Variants in SLC25A33 observed in about 807,000 individuals in gnomAD.
SLC25A33 encodes bone marrow stromal cell mitochondrial carrier protein.
In SLC25A33, 15 loss-of-function variants were observed where a neutral mutation model predicts 35.5. That is an observed-to-expected ratio of 0.42 (90% CI 0.28 to 0.65). The LOEUF (loss-of-function observed/expected upper bound fraction) is 0.65. SLC25A33 is among the 30% of genes least tolerant of loss of function. The pLI is 0.20. For synonymous variants in SLC25A33, 136 were observed against 148.7 expected, an observed-to-expected ratio of 0.91 and a Z score of 0.62; for missense variants, 257 against 398.5, an observed-to-expected ratio of 0.64 and a Z score of 3.02.
chr1:9,570,940 T>G (rs973961508), intron 4 of SLC25A33, among the ~76,000 whole-genome samples: 3 of 152,112 alleles, frequency 2.0e-5, no homozygotes, highest in Admixed American at 6.6e-5. Flanking sequence ...CTCAAACTCC[T>G]GACCTCAAGT....
intron 1 of SLC25A33, among the ~76,000 whole-genome samples, chr1:9,552,987 C>T (rs28719694): frequency 0.15 from 21,426 of 144,616 alleles, 1,732 homozygotes; most frequent in East Asian, 0.28. Flanking sequence ...GCAAGATCTC[C>T]GCTCACTGCA....
rs1553146726 is a variant in SLC25A33, at chr1:9,564,725, T to TAAAAAAAAAAA, written c.237-2554_237-2544dup. On this transcript the variant is annotated intron_variant, in intron 2 of 6. Transcript: ENST00000302692. Reference sequence around the variant, plus strand: ...AACATGGTGACACCTCGTCTCTATTTAAAAAAAAAAAAAAATATATATATA... The same window carrying TAAAAAAAAAAA: ...AACATGGTGACACCTCGTCTCTATTTAAAAAAAAAAAAAAAAAAAAAAAAAATATATATATA... Among the ~76,000 whole-genome samples the TAAAAAAAAAAA allele has an allele frequency of 1.1e-3, 106 of 94,462 alleles. 2 individuals are homozygous for TAAAAAAAAAAA. The highest frequency in any genetic ancestry group is 5.2e-3 in the African/African-American group (104 of 19,974). 62.0% of individuals were successfully genotyped at this position (94,462 alleles called of 152,430 possible).
rs1463744012 is a variant in SLC25A33 at position 9,582,474 on chromosome 1, G to A, written c.939G>A (p.Val313=). The A allele has an allele frequency of 6.2e-7, 1 of 1,613,600 alleles. No homozygotes were observed. Among genetic ancestry groups the A allele is most frequent in the Admixed American group, 1.7e-5 (1 of 59,946 alleles). The change falls in exon 7 of 7, where the codon GTG becomes GTA. Residue 313 remains valine, a synonymous_variant. Coordinates refer to ENST00000302692, the MANE Select transcript of SLC25A33 (RefSeq NM_032315.3). This position sits in a 1 kb window ranked among gnomAD's most constrained non-coding sequence, Gnocchi z 4.0. ...AIVLSTYELI[V]YLLEDRTQ is the part of the protein sequence containing the mutation. ...TGTTGTCTACTTATGAGTTAATTGT[G>A]TACCTGTTAGAAGACCGTACTCAGT...
rs911637564 is a variant in SLC25A33, at chr1:9,578,760, T to A, written c.483-1194T>A. On this transcript the variant is annotated intron_variant, in intron 5 of 6. Coordinates refer to ENST00000302692, the MANE Select transcript of SLC25A33 (RefSeq NM_032315.3). This position sits in a 1 kb window ranked among gnomAD's most constrained non-coding sequence, Gnocchi z 4.3. ...TGCTGGGATTACAGGTGTGAGCCAC[T>A]GCTCCCAGCCCTTGTGATCATCCTT... Among the ~76,000 whole-genome samples the A allele has an allele frequency of 1.8e-4, 27 of 152,178 alleles. No homozygotes were observed. Among genetic ancestry groups the A allele is most frequent in the African/African-American group, 5.8e-4 (24 of 41,436 alleles).
rs534241662 is a variant in SLC25A33 at position 9,579,965 on chromosome 1, C to G, written c.494C>G (p.Ser165Cys). 6.2e-7 allele frequency: 1 copy of G among 1,613,370 alleles called. No homozygotes were observed. The highest frequency in any genetic ancestry group is 8.5e-7 in the Non-Finnish European group (1 of 1,179,664). ...TCTCTTTTATGCAGAGTGAGGGGCT[C>G]TAAGCAGATGAATACACTCCAGTGT... Reference protein sequence around the residue: ...RMQLEQKVRGSKQMNTLQCAR... With the variant: ...RMQLEQKVRGCKQMNTLQCAR... Residue 165 changes from serine to cysteine, a missense_variant, in exon 6 of 7, where the codon TCT (serine) becomes TGT (cysteine). Ser to Cys is a moderately radical substitution (Grantham distance 112). Coordinates refer to ENST00000302692, the MANE Select transcript of SLC25A33 (RefSeq NM_032315.3).
At chr1:9,573,321 C>G in intron 4 of SLC25A33, 25 bp from the exon 5 acceptor site, 2 of 1,517,758 alleles carry the variant, frequency 1.3e-6, no homozygotes, top group Non-Finnish European at 1.8e-6. Flanking sequence ...ACAGTGTTGA[C>G]CTTTACTGTT....
chr1:9,550,787 G>A (rs927896649), intron 1 of SLC25A33, among the ~76,000 whole-genome samples: 5 of 151,696 alleles, frequency 3.3e-5, no homozygotes, highest in Admixed American at 2.0e-4. Flanking sequence ...ATCCTCCCAC[G>A]TCAGCCTCTC....
intron 2 of SLC25A33, among the ~76,000 whole-genome samples, chr1:9,558,997 C>T (rs1643382400): frequency 6.6e-6 from 1 of 152,154 alleles, no homozygotes; most frequent in South Asian, 2.1e-4. Context: ...TTCCCCTTTG[C>T]CTCTCCAGCC....
At chr1:9,543,328 G>C (rs1643122093) in intron 1 of SLC25A33, among the ~76,000 whole-genome samples, 1 of 151,936 alleles carries the variant, frequency 6.6e-6, no homozygotes. Context: ...ATTTTTAGTG[G>C]AGACGGGGTT....
intron 1 of SLC25A33, among the ~76,000 whole-genome samples, chr1:9,543,387 G>A (rs572396979): frequency 1.2e-4 from 18 of 152,146 alleles, no homozygotes; most frequent in African/African-American, 4.1e-4. Flanking sequence ...CAGGTGATCC[G>A]CCCACCTCAG....
intron 1 of SLC25A33, among the ~76,000 whole-genome samples, chr1:9,548,308 G>A (rs907365818): frequency 4.6e-5 from 7 of 152,202 alleles, no homozygotes; most frequent in African/African-American, 7.2e-5. Flanking sequence ...TGGGCTGGGC[G>A]CGGTGGCTCA....
At chr1:9,568,806 G>A (rs1309561634) in intron 3 of SLC25A33, among the ~76,000 whole-genome samples, 3 of 151,200 alleles carry the variant, frequency 2.0e-5, no homozygotes, top group East Asian at 2.0e-4. Flanking sequence ...AGCTGAGATC[G>A]CTGCACTCCA....
At chr1:9,573,516 C>T (rs895293141) in intron 5 of SLC25A33, 104 bp downstream of exon 5, 48 of 911,746 alleles carry the variant, frequency 5.3e-5, no homozygotes, top group Non-Finnish European at 7.7e-5. Flanking sequence ...AGATGTACCC[C>T]CCTCCTCGTT....
At chr1:9,545,388 T>A (rs2100368096) in intron 1 of SLC25A33, among the ~76,000 whole-genome samples, 1 of 152,140 alleles carries the variant, frequency 6.6e-6, no homozygotes, top group African/African-American at 2.4e-5. Context: ...GGCTCATACC[T>A]GTGATCCCAG....
At chr1:9,542,855 C>T (rs771406957) in intron 1 of SLC25A33, among the ~76,000 whole-genome samples, 2 of 152,236 alleles carry the variant, frequency 1.3e-5, no homozygotes, top group Non-Finnish European at 2.9e-5. Context: ...CTCTGTCGCC[C>T]AGGCTGGAGT....
At chr1:9,563,841 G>C (rs1053639465) in intron 2 of SLC25A33, among the ~76,000 whole-genome samples, 2 of 151,856 alleles carry the variant, frequency 1.3e-5, no homozygotes, top group Non-Finnish European at 2.9e-5. Flanking sequence ...TGTATTTTTA[G>C]TAGAGACGGG....
intron 3 of SLC25A33, among the ~76,000 whole-genome samples, chr1:9,568,731 G>GT (rs1643545751): frequency 6.6e-6 from 1 of 151,896 alleles, no homozygotes; most frequent in South Asian, 2.1e-4. Flanking sequence ...GGCACCTGTA[G>GT]TCCCAACTAC....
chr1:9,581,428 A>C lies in SLC25A33; in HGVS notation c.764-871A>C, dbSNP rs538614932. 7.9e-5 allele frequency among the ~76,000 whole-genome samples: 12 copies of C among 152,342 alleles called. No homozygotes were observed. The South Asian group carries it at 2.5e-3, about 32-fold the overall frequency. ...ATGAATTATTTTAACATTAAGTCTC[A>C]TTGAAACTAAGCTTTTTTTAACCCC... On this transcript the variant is annotated intron_variant, in intron 6 of 6. Coordinates refer to ENST00000302692, the MANE Select transcript of SLC25A33 (RefSeq NM_032315.3).
chr1:9,576,580 A>G lies in SLC25A33; in HGVS notation c.482+3168A>G, dbSNP rs370683105. 3,112 of 564,594 alleles carry G rather than the reference A, an allele frequency of 5.5e-3. 111 individuals are homozygous for G. Among genetic ancestry groups the G allele is most frequent in the South Asian group, 0.041 (2,989 of 72,648 alleles). The allele number at this position is 564,594 out of a possible 1,614,324, so 35.0% of individuals were successfully genotyped here. Reference sequence around the variant, plus strand: ...AGAACTCAGTCTAAAGAGGCTCTGGAGTGCCACACGGTGGGGTAACAGAAA... The same window carrying G: ...AGAACTCAGTCTAAAGAGGCTCTGGGGTGCCACACGGTGGGGTAACAGAAA... On this transcript the variant is annotated intron_variant, in intron 5 of 6. Coordinates refer to ENST00000302692, the MANE Select transcript of SLC25A33 (RefSeq NM_032315.3).
Sources: gnomAD v4.1 joint callset for allele counts (sites outside exome capture counted in the v4.1 genomes callset) on GRCh38, gnomAD v4.1.1 for gene constraint, Gnocchi (gnomAD v3.1) non-coding constraint, MANE v1.5 for transcripts, NCBI Gene and HGNC (gene_info 2026-07-23, HGNC 2026-07-21) for gene names.